The following TXNDC8 variants were observed in gnomAD, a reference collection of about 807,000 sequenced individuals.
TXNDC8 encodes thioredoxin domain-containing protein 8.
A neutral mutation model predicts 12.9 loss-of-function variants in TXNDC8; 15 were observed. The ratio of observed to expected loss-of-function variants is 1.16; its 90% CI spans 0.78 to 1.79. TXNDC8 has a LOEUF of 1.79. TXNDC8 is among the 40% of genes most tolerant of loss of function. The pLI, the probability that TXNDC8 is intolerant of heterozygous loss-of-function variation, is 0.00. For synonymous variants in TXNDC8, 40 were observed against 35.4 expected, an observed-to-expected ratio of 1.13 and a Z score of -0.46; for missense variants, 128 against 113.2, an observed-to-expected ratio of 1.13 and a Z score of -0.59.
intron 3 of TXNDC8, among the ~76,000 whole-genome samples, chr9:110,311,274 T>C (rs888070390): frequency 2.0e-5 from 3 of 152,018 alleles, no homozygotes; most frequent in African/African-American, 7.2e-5. Flanking sequence ...AAAATACTTG[T>C]AGACAAACTC....
intron 3 of TXNDC8, chr9:110,322,805 A>C: frequency 1.0e-6 from 1 of 985,566 alleles, no homozygotes; most frequent in Non-Finnish European, 1.2e-6. Flanking sequence ...GGGAAAAAAC[A>C]GAAGCATTCA....
rs1475354829 is a variant in TXNDC8, at chr9:110,303,656, T to G, written c.*26A>C. On this transcript the variant is annotated 3_prime_UTR_variant, in exon 5 of 5. Coordinates refer to ENST00000423740, the MANE Select transcript of TXNDC8 (RefSeq NM_001286946.2). ...CGAAAATGTTGAGGCTTTAAGGAAT[T>G]TTATTCCTGATTGAAAAGTTAAATC... 6.3e-7 allele frequency: 1 copy of G among 1,599,352 alleles called. No individual in the cohort carries two copies. The highest frequency in any genetic ancestry group is 2.3e-5 in the East Asian group (1 of 44,296).
intron 3 of TXNDC8, among the ~76,000 whole-genome samples, chr9:110,319,499 G>A (rs1318951255): frequency 2.6e-5 from 4 of 152,186 alleles, no homozygotes; most frequent in African/African-American, 7.2e-5. Flanking sequence ...CATAGGTGGT[G>A]TCCTCATTTT....
chr9:110,322,779 C>T, intron 3 of TXNDC8: 1 of 985,544 alleles, frequency 1.0e-6, no homozygotes, highest in Non-Finnish European at 1.2e-6. Flanking sequence ...AGAGGCTGAG[C>T]TGGCAGTGGG....
chr9:110,337,774 G>T lies in TXNDC8; in HGVS notation c.23C>A (p.Thr8Lys). The T allele has an allele frequency of 1.2e-6, 2 of 1,613,738 alleles. No homozygotes were observed. Among genetic ancestry groups the T allele is most frequent in the Non-Finnish European group, 1.7e-6 (2 of 1,179,804 alleles). ...CAGTGAAGCCAAATAAATACTTGCC[G>T]TGTCTTTAATAATCTGTACCATGAT... Residue 8 changes from threonine (T) to lysine (K), a missense_variant and splice_region_variant, in exon 1 of 5, where the codon ACG becomes AAG. By Grantham distance (78) the Thr-to-Lys change is moderately conservative. Transcript: ENST00000423740.
intron 2 of TXNDC8, among the ~76,000 whole-genome samples, chr9:110,328,433 C>A (rs1839421876): frequency 6.6e-6 from 1 of 151,946 alleles, no homozygotes; most frequent in African/African-American, 2.4e-5. Context: ...TTCAAAAAAA[C>A]ACACAAAAAG....
At chr9:110,311,751 G>A (rs1182699125) in intron 3 of TXNDC8, among the ~76,000 whole-genome samples, 1 of 130,086 alleles carries the variant, frequency 7.7e-6, no homozygotes, top group African/African-American at 2.9e-5. Context: ...CACTATATAT[G>A]GATATACTAT....
chr9:110,321,992 C>G (rs975612697), intron 3 of TXNDC8, among the ~76,000 whole-genome samples: 1 of 152,168 alleles, frequency 6.6e-6, no homozygotes, highest in Non-Finnish European at 1.5e-5. Context: ...TTAGGATCTC[C>G]TCCTCCTTTT....
intron 3 of TXNDC8, among the ~76,000 whole-genome samples, chr9:110,309,760 A>G (rs114976271): frequency 0.021 from 3,222 of 152,322 alleles, 117 homozygotes; most frequent in African/African-American, 0.073. Flanking sequence ...AAGAGGGTAG[A>G]AACAACTCAG....
intron 3 of TXNDC8, among the ~76,000 whole-genome samples, chr9:110,305,546 T>TTTTCTTTCTTTC (rs201277248): frequency 1.8e-3 from 208 of 115,494 alleles, no homozygotes; most frequent in East Asian, 3.7e-3. Context: ...TGTATTTTCT[T>TTTTCTTTCTTTC]TTTCTTTCTT....
At chr9:110,337,733 C>A (rs1273763357) in intron 1 of TXNDC8, 40 bp downstream of exon 1, 1 of 1,600,902 alleles carries the variant, frequency 6.2e-7, no homozygotes, top group South Asian at 1.1e-5. Flanking sequence ...CCCAAGATGT[C>A]CACATTTGAA....
chr9:110,325,679 C>A (rs886141245), intron 3 of TXNDC8, among the ~76,000 whole-genome samples: 1 of 152,052 alleles, frequency 6.6e-6, no homozygotes, highest in Non-Finnish European at 1.5e-5. Flanking sequence ...CGCCACCACG[C>A]CTGGCTAATT....
At chr9:110,321,896 G>A (rs762806104) in intron 3 of TXNDC8, among the ~76,000 whole-genome samples, 13 of 152,140 alleles carry the variant, frequency 8.5e-5, no homozygotes, top group Non-Finnish European at 1.6e-4. Flanking sequence ...TAGAAGTGGG[G>A]ACCTCACTGA....
intron 3 of TXNDC8, chr9:110,323,015 A>G: frequency 1.0e-6 from 1 of 985,364 alleles, no homozygotes. Flanking sequence ...TTATGGAGAA[A>G]CTTGAATGCC....
intron 3 of TXNDC8, among the ~76,000 whole-genome samples, chr9:110,324,921 G>A (rs565915082): frequency 2.2e-4 from 34 of 152,290 alleles, no homozygotes; most frequent in Non-Finnish European, 3.8e-4. Context: ...AGACCAGTCT[G>A]GCCAACATGG....
intron 3 of TXNDC8, among the ~76,000 whole-genome samples, chr9:110,320,691 A>C (rs1384582265): frequency 6.6e-6 from 1 of 152,230 alleles, no homozygotes; most frequent in Non-Finnish European, 1.5e-5. Flanking sequence ...AGCCTTTATT[A>C]GATTTTAAGA....
chr9:110,329,043 T>TC (rs1839448356), intron 2 of TXNDC8, among the ~76,000 whole-genome samples, 189 bp downstream of exon 3: 1 of 151,584 alleles, frequency 6.6e-6, no homozygotes, highest in South Asian at 2.1e-4. Flanking sequence ...TTGCTAATCT[T>TC]TTTTTTTGTT....
At chr9:110,308,333 A>AT (rs1017482399) in intron 3 of TXNDC8, among the ~76,000 whole-genome samples, 4 of 152,040 alleles carry the variant, frequency 2.6e-5, no homozygotes, top group Non-Finnish European at 5.9e-5. Context: ...GACAAGTTTG[A>AT]TTTTTTTGCT....
chr9:110,317,026 A>T (rs949733335), intron 3 of TXNDC8, among the ~76,000 whole-genome samples: 1 of 152,240 alleles, frequency 6.6e-6, no homozygotes, highest in African/African-American at 2.4e-5. Flanking sequence ...TGTGCCATCA[A>T]CTGAAGTTGT....
Sources: allele counts gnomAD v4.1 joint callset (sites outside exome capture counted in the v4.1 genomes callset), GRCh38; gene constraint gnomAD v4.1.1; transcripts MANE v1.5; gene names NCBI Gene and HGNC (gene_info 2026-07-23, HGNC 2026-07-21).